The following NDUFAF6 variants were observed in gnomAD, a reference collection of about 807,000 sequenced individuals.
The protein encoded by NDUFAF6 is NADH dehydrogenase (ubiquinone) complex I, assembly factor 6.
Under a neutral mutation model 40.8 loss-of-function variants are expected in NDUFAF6, and 45 were observed. The ratio of observed to expected loss-of-function variants is 1.10; its 90% CI spans 0.87 to 1.42. NDUFAF6 has a LOEUF of 1.42. Ranked by LOEUF, NDUFAF6 falls within the 40% of genes most tolerant of loss-of-function variation. NDUFAF6 has a pLI of 0.00. For synonymous variants in NDUFAF6, 185 were observed against 155.9 expected, an observed-to-expected ratio of 1.19 and a Z score of -1.39; for missense variants, 435 against 418.5, an observed-to-expected ratio of 1.04 and a Z score of -0.34.
chr8:95,031,003 A>G (rs1043373816), intron 1 of NDUFAF6, among the ~76,000 whole-genome samples: 1 of 152,126 alleles, frequency 6.6e-6, no homozygotes. Flanking sequence ...TAATACACTC[A>G]CTTATCCCCA....
At position 94,963,075 on chromosome 8, in the gene NDUFAF6, G is replaced by A. The variant is rs188149832; in HGVS notation, c.-199+4896G>A. On this transcript the variant is annotated intron_variant, in intron 1 of 9. Transcript: ENST00000396111. The stretch of plus-strand genomic sequence containing the variant: ...CAAAGTGCTGGGATTACAGACAGGC[G>A]TGAGCCACTACACCTGGCCCAAACT... Among the ~76,000 whole-genome samples, 83 of 151,798 alleles carry A rather than the reference G, an allele frequency of 5.5e-4. No individual in the cohort carries two copies. In the South Asian group the frequency reaches 0.011, roughly 20 times the overall value.
In NDUFAF6 at chr8:94,939,682, G is replaced by C. The variant is rs780224212; in HGVS notation, c.-935-5801G>C. The C allele has an allele frequency of 1.1e-5, 9 of 837,548 alleles. No individual in the cohort carries two copies. The African/African-American group carries it at 1.4e-4, about 13-fold the overall frequency. The allele number at this position is 837,548 out of a possible 1,614,324, so 51.9% of individuals were successfully genotyped here. ...CAAAGTGCTGGGATTACAGGTGTGA[G>C]ACACTGTGACTGGTCAACAAGTTAT... On this transcript the variant is annotated intron_variant, in intron 1 of 14. Transcript: ENST00000396113.
chr8:94,934,546 T>G (rs1043397501), intron 1 of NDUFAF6, among the ~76,000 whole-genome samples: 2 of 151,868 alleles, frequency 1.3e-5, no homozygotes, highest in African/African-American at 4.8e-5. Flanking sequence ...CCAGCAAGCC[T>G]GGCTAATTTT....
intron 1 of NDUFAF6, among the ~76,000 whole-genome samples, chr8:94,903,633 G>T (rs1053451214): frequency 6.6e-6 from 1 of 152,150 alleles, no homozygotes; most frequent in Non-Finnish European, 1.5e-5. Flanking sequence ...GGTTCGGGGG[G>T]AGTTTATAAT....
intron 1 of NDUFAF6, among the ~76,000 whole-genome samples, chr8:94,914,017 C>T (rs1342559901): frequency 6.6e-6 from 1 of 151,982 alleles, no homozygotes; most frequent in African/African-American, 2.4e-5. Context: ...GTCTTGAACT[C>T]CTAACCTCAA....
downstream of NDUFAF6, among the ~76,000 whole-genome samples, chr8:95,059,316 A>G (rs1832507287): frequency 6.6e-6 from 1 of 152,112 alleles, no homozygotes; most frequent in Non-Finnish European, 1.5e-5. Context: ...GCAAATTCAA[A>G]CTGAGAGCTT....
At chr8:95,057,303 G>T (rs545023390) in intron 8 of NDUFAF6, among the ~76,000 whole-genome samples, 1 of 152,290 alleles carries the variant, frequency 6.6e-6, no homozygotes, top group African/African-American at 2.4e-5. Context: ...GTTTTTTGTG[G>T]TGGGGAAAGG....
chr8:95,099,926 T>C (rs558573719), upstream of NDUFAF6, among the ~76,000 whole-genome samples: 2 of 152,356 alleles, frequency 1.3e-5, no homozygotes, highest in African/African-American at 4.8e-5. Flanking sequence ...ATGTTTTCTC[T>C]GATGCCTTTT....
At chr8:95,054,633 C>T (rs1831896991) in intron 8 of NDUFAF6, among the ~76,000 whole-genome samples, 1 of 151,764 alleles carries the variant, frequency 6.6e-6, no homozygotes, top group African/African-American at 2.4e-5. Context: ...AGGGGTTTCC[C>T]CATGTTGGCC....
downstream of NDUFAF6, among the ~76,000 whole-genome samples, chr8:95,104,403 C>G (rs1122088): frequency 6.6e-6 from 1 of 152,144 alleles, no homozygotes; most frequent in South Asian, 2.1e-4. Context: ...CTAGTCACCT[C>G]GCTCACACAC....
At chr8:94,929,204 G>A (rs554237155) in intron 1 of NDUFAF6, 1 of 152,402 alleles carries the variant, frequency 6.6e-6, no homozygotes, top group Non-Finnish European at 1.5e-5. Flanking sequence ...CAGTAGAAAG[G>A]CCCTTGGAAT....
intron 2 of NDUFAF6, chr8:94,950,696 T>C (rs1822525050): frequency 6.6e-6 from 1 of 152,214 alleles, no homozygotes; most frequent in Non-Finnish European, 1.5e-5. Flanking sequence ...TTTAGGTTTT[T>C]GCAAATCAGG....
chr8:94,914,383 T>G (rs1818988653), intron 1 of NDUFAF6, among the ~76,000 whole-genome samples: 1 of 152,170 alleles, frequency 6.6e-6, no homozygotes, highest in Non-Finnish European at 1.5e-5. Flanking sequence ...AGTACTTACC[T>G]GGTTACTCAT....
chr8:95,019,840 C>G (rs1827616676), intron 2 of NDUFAF6, among the ~76,000 whole-genome samples: 1 of 152,184 alleles, frequency 6.6e-6, no homozygotes, highest in African/African-American at 2.4e-5. Context: ...TGCTCAAAAA[C>G]TATTGAATTG....
intron 1 of NDUFAF6, among the ~76,000 whole-genome samples, chr8:94,969,816 C>G (rs1333611530): frequency 1.3e-5 from 2 of 151,922 alleles, no homozygotes; most frequent in Non-Finnish European, 2.9e-5. Flanking sequence ...TGGAAAAAAA[C>G]TCATGCAAAT....
chr8:94,980,102 G>GA (rs113197653), intron 1 of NDUFAF6, among the ~76,000 whole-genome samples: 128 of 145,954 alleles, frequency 8.8e-4, no homozygotes, highest in African/African-American at 3.0e-3. Flanking sequence ...GTCTCAAAGC[G>GA]AAAAAAAAAA....
chr8:95,005,890 C>T (rs1826956055), intron 2 of NDUFAF6, among the ~76,000 whole-genome samples: 1 of 152,042 alleles, frequency 6.6e-6, no homozygotes, highest in South Asian at 2.1e-4. Flanking sequence ...CATGCTTCCC[C>T]AGGAGACAAT....
intron 1 of NDUFAF6, among the ~76,000 whole-genome samples, chr8:94,938,249 C>T (rs1410244539): frequency 6.6e-6 from 1 of 152,152 alleles, no homozygotes; most frequent in African/African-American, 2.4e-5. Flanking sequence ...TCATACAGTA[C>T]GATGATGGAT....
intron 1 of NDUFAF6, chr8:94,929,435 A>G (rs184417985): frequency 2.0e-5 from 3 of 152,256 alleles, no homozygotes; most frequent in Admixed American, 2.0e-4. Flanking sequence ...AAAAAAAGAA[A>G]AAAGTTGAGC....
Sources: allele counts gnomAD v4.1 joint callset (sites outside exome capture counted in the v4.1 genomes callset), GRCh38; gene constraint gnomAD v4.1.1; transcripts MANE v1.5; gene names NCBI Gene and HGNC (gene_info 2026-07-23, HGNC 2026-07-21).